Variants in ZNF350 observed in about 807,000 individuals in gnomAD.
The protein encoded by ZNF350 is zinc finger protein 350, also known as KRAB zinc finger protein ZFQR.
A neutral mutation model predicts 13.1 loss-of-function variants in ZNF350; 5 were observed. That is an observed-to-expected ratio of 0.38 (90% CI 0.20 to 0.80). ZNF350 has a LOEUF of 0.80. Among genes scored for constraint, ZNF350 ranks in the 30% least tolerant of loss-of-function variants. ZNF350 has a pLI of 0.43. For missense variants in ZNF350, 534 were observed against 644.2 expected, an observed-to-expected ratio of 0.83 and a Z score of 1.85; for synonymous variants, 199 against 224.2, an observed-to-expected ratio of 0.89 and a Z score of 1.00.
intron 4 of ZNF350, chr19:51,968,352 C>A (rs934786362): frequency 7.3e-6 from 4 of 546,672 alleles, no homozygotes; most frequent in African/African-American, 5.8e-5. Flanking sequence ...GGCAAACAAA[C>A]AATATGTAGA....
At chr19:51,968,767 C>A in intron 3 of ZNF350, 94 bp from the exon 4 acceptor site, 1 of 1,456,464 alleles carries the variant, frequency 6.9e-7, no homozygotes, top group East Asian at 2.3e-5. Context: ...ACTTGAGTTT[C>A]TTAAAATACC....
In ZNF350 at chr19:51,965,025, G is replaced by T; in HGVS notation, c.1428C>A (p.Ser476Arg). 6.2e-7 allele frequency: 1 copy of T among 1,614,054 alleles called. No individual in the cohort carries two copies. The highest frequency in any genetic ancestry group is 8.5e-7 in the Non-Finnish European group (1 of 1,180,004). Residue 476 changes from serine to arginine, a missense_variant, in exon 5 of 5, where the codon AGC (serine) becomes AGA (arginine). Physicochemically the swap from Ser to Arg is moderately radical, Grantham distance 110 (BLOSUM62 -1). Coordinates refer to ENST00000243644, the MANE Select transcript of ZNF350 (RefSeq NM_021632.4). ...CTACGTTCCTGTTTGCGAGGAGGCC[G>T]CTGATGTTTAATGATGTCTGAGGGG... ...SVAPQTSLNI[S>R]GLLANRNVVL...
chr19:51,980,343 TA>T (rs1376321117), intron 1 of ZNF350, among the ~76,000 whole-genome samples: 8 of 152,230 alleles, frequency 5.3e-5, no homozygotes, highest in Admixed American at 5.2e-4. Flanking sequence ...TAACTCAGCT[TA>T]CTCACTGTGT....
chr19:51,973,947 T>C (rs2085814519), intron 2 of ZNF350: 3 of 173,288 alleles, frequency 1.7e-5, no homozygotes, highest in Non-Finnish European at 3.8e-5. Context: ...GAAGAACCAC[T>C]GAAGAAATTT....
At chr19:51,974,868 G>A (rs1279618879) in intron 1 of ZNF350, 1 of 153,318 alleles carries the variant, frequency 6.5e-6, no homozygotes. Flanking sequence ...CCTGGTCTTT[G>A]TTTTCCTTTA....
rs1172148230 is a variant in ZNF350 at position 51,969,110 on chromosome 19, C to T, written c.37G>A (p.Val13Met). The change falls in exon 3 of 5, where the codon GTG becomes ATG. Residue 13 changes from valine (V) to methionine (M), a missense_variant. Transcript: ENST00000243644. ...TCCTCCCAAGTGAAGTCCACAGCCACATCCTCCAGTGTTATGGATTCCTGT... is the reference window on the plus strand; with the variant it reads ...TCCTCCCAAGTGAAGTCCACAGCCATATCCTCCAGTGTTATGGATTCCTGT... Reference protein sequence around the residue: ...QAQESITLEDVAVDFTWEEWQ... With the variant: ...QAQESITLEDMAVDFTWEEWQ... The T allele has an allele frequency of 1.2e-6, 2 of 1,614,112 alleles. No individual in the cohort carries two copies. Among genetic ancestry groups the T allele is most frequent in the Non-Finnish European group, 1.7e-6 (2 of 1,179,966 alleles).
At chr19:51,977,080 C>A (rs572752855) in intron 1 of ZNF350, among the ~76,000 whole-genome samples, 1 of 152,310 alleles carries the variant, frequency 6.6e-6, no homozygotes, top group South Asian at 2.1e-4. Flanking sequence ...ATCTGTACTG[C>A]CTCCTTCGGT....
chr19:51,975,446 A>AAC (rs923522609), intron 1 of ZNF350, among the ~76,000 whole-genome samples: 6 of 151,168 alleles, frequency 4.0e-5, no homozygotes, highest in African/African-American at 1.5e-4. Flanking sequence ...AAAAAAAAAA[A>AAC]AAAAAACTAG....
In ZNF350 at chr19:51,979,028, CTG is replaced by C. The variant is rs371074900; in HGVS notation, c.-171-4499_-171-4498del. The stretch of plus-strand genomic sequence containing the variant: ...GTGCATGCGACCATGGAATGGGAGA[CTG>C]GAGGAACCCAGGGTGGCCAACCATG... On this transcript the variant is annotated intron_variant, in intron 1 of 4. Coordinates refer to ENST00000243644, the MANE Select transcript of ZNF350 (RefSeq NM_021632.4). 2.9e-4 allele frequency among the ~76,000 whole-genome samples: 44 copies of C among 152,186 alleles called. No homozygotes were observed. In the South Asian group the frequency reaches 5.2e-3, roughly 18 times the overall value.
chr19:51,979,280 T>C (rs1049082757), intron 1 of ZNF350, among the ~76,000 whole-genome samples: 1 of 152,160 alleles, frequency 6.6e-6, no homozygotes, highest in Admixed American at 6.5e-5. Flanking sequence ...ACGTTTTCCC[T>C]GTGCACAGGC....
chr19:51,966,281 G>GTTTTTTTT (rs72177430), intron 4 of ZNF350, 67 bp from the exon 5 acceptor site: 2 of 1,409,174 alleles, frequency 1.4e-6, no homozygotes, highest in Admixed American at 2.6e-5. Context: ...TGGTTTTTTT[G>GTTTTTTTT]TTTTTTTTGT....
In ZNF350 at chr19:51,965,694, C is replaced by T; in HGVS notation, c.759G>A (p.Gln253=). 1 of 1,614,180 alleles carries T rather than the reference C, an allele frequency of 6.2e-7. No homozygotes were observed. Among genetic ancestry groups the T allele is most frequent in the Non-Finnish European group, 8.5e-7 (1 of 1,180,042 alleles). The change falls in exon 5 of 5, where the codon CAG becomes CAA. Residue 253 remains glutamine, a synonymous_variant. Coordinates refer to ENST00000243644, the MANE Select transcript of ZNF350 (RefSeq NM_021632.4). ...AAGGTTTTTCTCCTGTATGAGTTCG[C>T]TGATGTTCAGTAAGCATGAACTTTC... ...FSRKFMLTEH[Q]RTHTGEKPYE...
chr19:51,979,715 G>A (rs1599953193), intron 1 of ZNF350, among the ~76,000 whole-genome samples: 2 of 152,182 alleles, frequency 1.3e-5, no homozygotes, highest in South Asian at 4.1e-4. Context: ...CCACTGGCTA[G>A]TAAACAATAT....
intron 1 of ZNF350, among the ~76,000 whole-genome samples, chr19:51,984,750 T>G (rs1472718778): frequency 1.3e-5 from 2 of 152,196 alleles, no homozygotes; most frequent in Non-Finnish European, 2.9e-5. Context: ...TTTGAAAGAC[T>G]GTAAAACAAA....
At chr19:51,980,584 C>G (rs1223839725) in intron 1 of ZNF350, among the ~76,000 whole-genome samples, 2 of 152,180 alleles carry the variant, frequency 1.3e-5, no homozygotes, top group Admixed American at 1.3e-4. Context: ...AGAACAGGTA[C>G]AAAGCTTGCA....
chr19:51,969,147 T>C lies in ZNF350; in HGVS notation c.16-16A>G, dbSNP rs2085661467. ...TTATGGATTCCTGTAATAACAGTCC[T>C]GTTTAATAAAGTGATGTCTTTTTGA... is the stretch of plus-strand genomic sequence containing the variant. On this transcript the variant is annotated splice_polypyrimidine_tract_variant and intron_variant, in intron 2 of 4. Coordinates refer to ENST00000243644, the MANE Select transcript of ZNF350 (RefSeq NM_021632.4). 5 of 1,608,918 alleles carry C rather than the reference T, an allele frequency of 3.1e-6. No individual in the cohort carries two copies. The highest frequency in any genetic ancestry group is 4.2e-6 in the Non-Finnish European group (5 of 1,176,846).
At position 51,964,966 on chromosome 19, in the gene ZNF350, G is replaced by T. The variant is rs1460936841; in HGVS notation, c.1487C>A (p.Ala496Asp). 6.2e-7 allele frequency: 1 copy of T among 1,614,116 alleles called. No individual in the cohort carries two copies. The highest frequency in any genetic ancestry group is 8.5e-7 in the Non-Finnish European group (1 of 1,180,010). The change falls in exon 5 of 5, where the codon GCC becomes GAC. Residue 496 changes from alanine to aspartate, a missense_variant. Physicochemically the swap from Ala to Asp is moderately radical, Grantham distance 126. Transcript: ENST00000243644. Reference protein sequence around the residue: ...LVGQPVVRCAASGDNRGFAQD... With the variant: ...LVGQPVVRCADSGDNRGFAQD... ...TGCAAATCCTCTGTTATCTCCTGAG[G>T]CTGCACATCTGACCACTGGCTGTCC... is the stretch of plus-strand genomic sequence containing the variant.
intron 2 of ZNF350, 27 bp from the exon 3 acceptor site, chr19:51,969,158 G>A (rs750544022): frequency 2.6e-5 from 42 of 1,604,458 alleles, no homozygotes; most frequent in Non-Finnish European, 3.1e-5. Flanking sequence ...GTTTAATAAA[G>A]TGATGTCTTT....
At chr19:51,979,126 G>C (rs1399891624) in intron 1 of ZNF350, among the ~76,000 whole-genome samples, 1 of 152,126 alleles carries the variant, frequency 6.6e-6, no homozygotes, top group African/African-American at 2.4e-5. Context: ...AGGCCAACCA[G>C]AGTCATGATG....
Sources: allele counts gnomAD v4.1 joint callset (sites outside exome capture counted in the v4.1 genomes callset), GRCh38; gene constraint gnomAD v4.1.1; transcripts MANE v1.5; gene names NCBI Gene and HGNC (gene_info 2026-07-23, HGNC 2026-07-21).